FHOD3: variants seen among roughly 807,000 people sequenced by gnomAD.
FHOD3 encodes formin homology 2 domain containing 3.
A neutral mutation model predicts 173.0 loss-of-function variants in FHOD3; 90 were observed. The observed-to-expected ratio is 0.52, with a 90% CI of 0.44 to 0.62. The LOEUF (loss-of-function observed/expected upper bound fraction) is 0.62, where lower values mean the gene tolerates loss of function less well. Among genes scored for constraint, FHOD3 ranks in the 20% least tolerant of loss-of-function variants. The pLI, the probability that FHOD3 is intolerant of heterozygous loss-of-function variation, is 0.00. For synonymous variants in FHOD3, 828 were observed against 823.0 expected, an observed-to-expected ratio of 1.01 and a Z score of -0.10; for missense variants, 1,945 against 2,034.7, an observed-to-expected ratio of 0.96 and a Z score of 0.85.
intron 5 of FHOD3, among the ~76,000 whole-genome samples, chr18:36,525,081 C>T (rs1394823889): frequency 1.3e-5 from 2 of 152,046 alleles, no homozygotes; most frequent in African/African-American, 4.8e-5. Context: ...CTGTATAATC[C>T]CCTCCCCTTG....
intron 5 of FHOD3, among the ~76,000 whole-genome samples, chr18:36,568,443 G>A (rs1486457904): frequency 7.0e-6 from 1 of 141,992 alleles, no homozygotes; most frequent in Non-Finnish European, 1.5e-5. Flanking sequence ...GAACGTGAAA[G>A]TTTTATGTGA....
intron 3 of FHOD3, among the ~76,000 whole-genome samples, chr18:36,422,035 C>T (rs1048015237): frequency 1.3e-5 from 2 of 152,178 alleles, no homozygotes; most frequent in African/African-American, 4.8e-5. Context: ...AAAGGTGGCA[C>T]ATTCACATGG....
At chr18:36,395,159 T>C (rs2048490561) in intron 3 of FHOD3, among the ~76,000 whole-genome samples, 1 of 152,044 alleles carries the variant, frequency 6.6e-6, no homozygotes, top group African/African-American at 2.4e-5. Context: ...TAGGTTTTTT[T>C]TTTTCTTTTT....
intron 1 of FHOD3, among the ~76,000 whole-genome samples, chr18:36,302,516 G>A (rs939117817): frequency 2.0e-5 from 3 of 152,290 alleles, no homozygotes; most frequent in Admixed American, 1.3e-4. Flanking sequence ...AGTACATGGG[G>A]GTTCTCACTG....
At chr18:36,434,330 T>G (rs1024353593) in intron 3 of FHOD3, among the ~76,000 whole-genome samples, 1 of 152,248 alleles carries the variant, frequency 6.6e-6, no homozygotes, top group Non-Finnish European at 1.5e-5. Context: ...CTTTTCCTGT[T>G]GATTTATATT....
chr18:36,607,110 C>T (rs1198160830), intron 8 of FHOD3, among the ~76,000 whole-genome samples: 1 of 152,236 alleles, frequency 6.6e-6, no homozygotes, highest in African/African-American at 2.4e-5. Flanking sequence ...CCCGTGGCTC[C>T]ACTAGGCATT....
intron 27 of FHOD3, among the ~76,000 whole-genome samples, chr18:36,764,544 G>T (rs1033675181): frequency 1.1e-4 from 17 of 152,118 alleles, no homozygotes; most frequent in African/African-American, 4.1e-4. Flanking sequence ...GTGGATGCAG[G>T]AGGAGTGCAG....
At position 36,438,399 on chromosome 18, in the gene FHOD3, G is replaced by A. The variant is rs191206990; in HGVS notation, c.338-63533G>A. 1.4e-3 allele frequency among the ~76,000 whole-genome samples: 210 copies of A among 152,168 alleles called. 1 individual carries two copies. The highest frequency in any genetic ancestry group is 4.9e-3 in the African/African-American group (202 of 41,520). Reference sequence around the variant, plus strand: ...CACTGGAGGGCATTCACCATCAGTCGTTTAAAAACTTCCCTCTCCCACCGG... The same window carrying A: ...CACTGGAGGGCATTCACCATCAGTCATTTAAAAACTTCCCTCTCCCACCGG... On this transcript the variant is annotated intron_variant, in intron 3 of 28. Coordinates refer to ENST00000590592, the MANE Select transcript of FHOD3 (RefSeq NM_001281740.3).
At chr18:36,772,928 G>A (rs2043453755) in intron 28 of FHOD3, among the ~76,000 whole-genome samples, 1 of 152,238 alleles carries the variant, frequency 6.6e-6, no homozygotes, top group South Asian at 2.1e-4. Flanking sequence ...TGTAAAGACA[G>A]CGGAGGGTAC....
chr18:36,663,399 G>A (rs1389360562), intron 14 of FHOD3, among the ~76,000 whole-genome samples: 1 of 152,118 alleles, frequency 6.6e-6, no homozygotes, highest in African/African-American at 2.4e-5. Flanking sequence ...GATCAGCCAC[G>A]CTGACCTCTC....
chr18:36,535,091 A>G (rs2056942224), intron 5 of FHOD3, among the ~76,000 whole-genome samples: 1 of 152,248 alleles, frequency 6.6e-6, no homozygotes, highest in South Asian at 2.1e-4. Flanking sequence ...AGATTTAAAA[A>G]TATTGCTGTT....
At chr18:36,528,660 C>T (rs1599526335) in intron 5 of FHOD3, among the ~76,000 whole-genome samples, 1 of 152,206 alleles carries the variant, frequency 6.6e-6, no homozygotes, top group Non-Finnish European at 1.5e-5. Context: ...GCAATTTCAT[C>T]TGCTTAAGGT....
rs1003793942 is a variant in FHOD3, at chr18:36,358,702, G to C, written c.272+3057G>C. On this transcript the variant is annotated intron_variant, in intron 2 of 28. Transcript: ENST00000590592. ...TAAATTTTTAATTATTTTTGATAGG[G>C]TCTTTCTTTGTCACCCAGGCTGGAG... Among the ~76,000 whole-genome samples the C allele has an allele frequency of 3.3e-5, 5 of 152,084 alleles. No individual in the cohort carries two copies. In the South Asian group the frequency reaches 1.0e-3, roughly 32 times the overall value.
intron 5 of FHOD3, among the ~76,000 whole-genome samples, chr18:36,565,453 C>G (rs1185424960): frequency 3.3e-5 from 5 of 152,184 alleles, no homozygotes; most frequent in East Asian, 3.8e-4. Flanking sequence ...TATCTTGGTG[C>G]TTAGTGATGG....
At chr18:36,446,908 A>C (rs1453702080) in intron 3 of FHOD3, among the ~76,000 whole-genome samples, 2 of 152,010 alleles carry the variant, frequency 1.3e-5, no homozygotes, top group African/African-American at 4.8e-5. Flanking sequence ...GAATAAGAGG[A>C]GGGCTGACTG....
intron 3 of FHOD3, among the ~76,000 whole-genome samples, chr18:36,445,744 G>A (rs1209535167): frequency 6.6e-6 from 1 of 152,148 alleles, no homozygotes; most frequent in East Asian, 1.9e-4. Flanking sequence ...CTCATCTTGG[G>A]TTTTTCTTTC....
chr18:36,410,839 A>T (rs985531278), intron 3 of FHOD3, among the ~76,000 whole-genome samples: 6 of 152,168 alleles, frequency 3.9e-5, no homozygotes, highest in African/African-American at 1.4e-4. Flanking sequence ...GGCCACTTAA[A>T]AAATAGGGTT....
intron 5 of FHOD3, among the ~76,000 whole-genome samples, chr18:36,561,022 T>C (rs760813401): frequency 6.6e-6 from 1 of 152,188 alleles, no homozygotes; most frequent in African/African-American, 2.4e-5. Flanking sequence ...GTTTATGTAT[T>C]CTTCCCCTGT....
intron 7 of FHOD3, among the ~76,000 whole-genome samples, chr18:36,595,941 A>T (rs1315237929): frequency 6.6e-6 from 1 of 152,194 alleles, no homozygotes; most frequent in Non-Finnish European, 1.5e-5. Flanking sequence ...AATCATAAAA[A>T]CTTGGGAAAA....
Sources: allele counts gnomAD v4.1 joint callset (sites outside exome capture counted in the v4.1 genomes callset), GRCh38; gene constraint gnomAD v4.1.1; transcripts MANE v1.5; gene names NCBI Gene and HGNC (gene_info 2026-07-23, HGNC 2026-07-21).